The following INTS4 variants were observed in gnomAD, a reference collection of about 807,000 sequenced individuals.
INTS4 encodes the protein MSTP093.
In INTS4, 70 loss-of-function variants were observed where a neutral mutation model predicts 119.5. The ratio of observed to expected loss-of-function variants is 0.59; its 90% CI spans 0.48 to 0.71. INTS4 has a LOEUF of 0.71. Among genes scored for constraint, INTS4 ranks in the 30% least tolerant of loss-of-function variants. INTS4 has a pLI of 0.00. For missense variants in INTS4, 867 were observed against 1,173.2 expected (o/e 0.74, Z 3.81); for synonymous variants, 316 against 419.6 (o/e 0.75, Z 3.02).
intron 9 of INTS4, among the ~76,000 whole-genome samples, 158 bp downstream of exon 9, chr11:77,941,019 CTTG>C (rs751642336): frequency 7.2e-5 from 11 of 152,180 alleles, no homozygotes; most frequent in Non-Finnish European, 1.5e-4. Context: ...AATGAAGTCA[CTTG>C]TTATTTGCTT....
intron 4 of INTS4, among the ~76,000 whole-genome samples, chr11:77,974,618 T>C (rs1396502523): frequency 2.1e-5 from 3 of 140,890 alleles, no homozygotes; most frequent in African/African-American, 8.0e-5. Context: ...TTTTTTTTTT[T>C]CTGACCCAAG....
chr11:77,967,618 A>G (rs1855556905), intron 4 of INTS4, among the ~76,000 whole-genome samples: 1 of 152,150 alleles, frequency 6.6e-6, no homozygotes, highest in South Asian at 2.1e-4. Flanking sequence ...CAAACGCAAC[A>G]TCATGAACAA....
At chr11:77,893,097 C>T (rs1952349119) in intron 19 of INTS4, among the ~76,000 whole-genome samples, 1 of 152,186 alleles carries the variant, frequency 6.6e-6, no homozygotes, top group Non-Finnish European at 1.5e-5. Context: ...GCTTTAAGAT[C>T]CTATGTCTTC....
At chr11:77,970,585 T>C (rs1855689119) in intron 4 of INTS4, among the ~76,000 whole-genome samples, 1 of 151,892 alleles carries the variant, frequency 6.6e-6, no homozygotes, top group Non-Finnish European at 1.5e-5. Context: ...TCCTAGCACT[T>C]TGGGAGGCTG....
In INTS4 at chr11:77,908,386, T is replaced by C. The variant is rs184667637; in HGVS notation, c.1923-576A>G. ...CTCTGTTGCCCAGACTGGAGTACAG[T>C]GGCGTGATCTCGACTCACTGCAACC... On this transcript the variant is annotated intron_variant, in intron 15 of 22. Transcript: ENST00000534064. 2.3e-3 allele frequency among the ~76,000 whole-genome samples: 342 copies of C among 151,600 alleles called. 2 individuals are homozygous for C. Among genetic ancestry groups the C allele is most frequent in the African/African-American group, 8.1e-3 (335 of 41,284 alleles).
chr11:77,874,764 C>T (rs936722595), downstream of INTS4, among the ~76,000 whole-genome samples: 9 of 152,102 alleles, frequency 5.9e-5, no homozygotes, highest in Admixed American at 1.3e-4. Flanking sequence ...TGGCCGGGTG[C>T]GGTGGCTCAC....
At position 77,883,898 on chromosome 11, in the gene INTS4, G is replaced by A. The variant is rs1036518383; in HGVS notation, c.2647C>T (p.Arg883Trp). ...CGGTGCCGCCCTGGGCCAGGATTCC[G>A]GAAGTCTGCAGGCTTGGGGTGAATC... ...QMIHPKPADF[R>W]NPGPGRHRLI... Residue 883 changes from arginine to tryptophan, a missense_variant, in exon 22 of 23, where the codon CGG (arginine) becomes TGG (tryptophan). By Grantham distance (101) the Arg-to-Trp change is moderately radical. Transcript: ENST00000534064. The A allele has an allele frequency of 1.9e-6, 3 of 1,613,046 alleles. No individual in the cohort carries two copies. The highest frequency in any genetic ancestry group is 3.3e-5 in the Admixed American group (2 of 59,888).
intron 2 of INTS4, among the ~76,000 whole-genome samples, chr11:77,985,340 T>C (rs1282481212): frequency 1.3e-5 from 2 of 152,230 alleles, no homozygotes; most frequent in Admixed American, 6.5e-5. Context: ...CAACCTAAAA[T>C]CTGCACCAGC....
At chr11:77,903,865 GCTTCTGGAAGCAGA>G (rs1187586942) in intron 16 of INTS4, among the ~76,000 whole-genome samples, 1 of 152,104 alleles carries the variant, frequency 6.6e-6, no homozygotes, top group East Asian at 1.9e-4. Flanking sequence ...CCAGATCAGT[GCTTCTGGAAGCAGA>G]GGACAGGAAC....
intron 15 of INTS4, chr11:77,910,997 G>A: frequency 7.8e-7 from 1 of 1,289,030 alleles, no homozygotes; most frequent in Non-Finnish European, 1.0e-6. Flanking sequence ...TTGGGAAGCT[G>A]TCTGTTTCAG....
chr11:77,931,058 G>C (rs1034900099), intron 10 of INTS4, among the ~76,000 whole-genome samples: 2 of 152,176 alleles, frequency 1.3e-5, no homozygotes, highest in Non-Finnish European at 2.9e-5. Context: ...TTGCATTACA[G>C]AGTGATGACT....
At chr11:77,991,357 T>A in intron 1 of INTS4, 58 bp from the exon 2 acceptor site, 1 of 1,348,750 alleles carries the variant, frequency 7.4e-7, no homozygotes, top group Non-Finnish European at 1.1e-6. Context: ...TTTGCCTCAT[T>A]TGGTGGAAAT....
chr11:77,879,170 C>T (rs558569660), intron 22 of INTS4, 43 bp from the exon 23 acceptor site: 3 of 1,603,120 alleles, frequency 1.9e-6, no homozygotes, highest in African/African-American at 1.3e-5. Context: ...TAGGCAACTG[C>T]TAGGAATGAG....
intron 8 of INTS4, among the ~76,000 whole-genome samples, chr11:77,941,948 C>T (rs1442115582): frequency 1.3e-5 from 2 of 152,158 alleles, no homozygotes; most frequent in Non-Finnish European, 2.9e-5. Context: ...AACATATTGA[C>T]GGTCACAAAG....
intron 2 of INTS4, among the ~76,000 whole-genome samples, chr11:77,986,261 A>G (rs545111654): frequency 6.6e-6 from 1 of 152,372 alleles, no homozygotes; most frequent in East Asian, 1.9e-4. Flanking sequence ...ACTGGTCATC[A>G]GAGAAATGCA....
chr11:77,887,655 T>C (rs912520030), intron 21 of INTS4, among the ~76,000 whole-genome samples: 7 of 152,162 alleles, frequency 4.6e-5, no homozygotes, highest in African/African-American at 1.4e-4. Flanking sequence ...GATGACATGA[T>C]TGTATATCTA....
At chr11:77,977,372 T>C (rs564919808) in intron 4 of INTS4, among the ~76,000 whole-genome samples, 10 of 151,792 alleles carry the variant, frequency 6.6e-5, no homozygotes, top group South Asian at 4.2e-4. Flanking sequence ...ACAAGAAAAA[T>C]ACTTATGTTA....
chr11:77,896,703 G>T (rs1010145458), intron 18 of INTS4, among the ~76,000 whole-genome samples: 1 of 127,348 alleles, frequency 7.9e-6, no homozygotes, highest in Non-Finnish European at 1.8e-5. Context: ...GAAAAACAAA[G>T]AAATTGAAAT....
chr11:77,884,572 C>T (rs376838996), intron 21 of INTS4, among the ~76,000 whole-genome samples: 70 of 152,284 alleles, frequency 4.6e-4, no homozygotes, highest in African/African-American at 1.6e-3. Flanking sequence ...GAAGCTTATC[C>T]TAGGACTAGG....
Sources: allele counts gnomAD v4.1 joint callset (sites outside exome capture counted in the v4.1 genomes callset), GRCh38; gene constraint gnomAD v4.1.1; transcripts MANE v1.5; gene names NCBI Gene and HGNC (gene_info 2026-07-23, HGNC 2026-07-21).